The following SGCD variants were observed in gnomAD, a reference collection of about 807,000 sequenced individuals.
SGCD encodes the protein delta-sarcoglycan.
Under a neutral mutation model 36.6 loss-of-function variants are expected in SGCD, and 18 were observed. The observed-to-expected ratio is 0.49, with a 90% CI of 0.34 to 0.73. SGCD has a LOEUF of 0.73. Ranked by LOEUF, SGCD falls within the 30% of genes least tolerant of loss-of-function variation. SGCD has a pLI of 0.01. For synonymous variants in SGCD, 133 were observed against 130.6 expected (o/e 1.02, Z -0.12); for missense variants, 387 against 346.7 (o/e 1.12, Z -0.92).
intron 3 of SGCD, among the ~76,000 whole-genome samples, chr5:156,304,673 G>T (rs1767155905): frequency 6.6e-6 from 1 of 152,200 alleles, no homozygotes. Context: ...CTGGGTAACA[G>T]GCAGAGGTTG....
intron 4 of SGCD, among the ~76,000 whole-genome samples, chr5:156,513,116 T>C (rs891906): frequency 0.34 from 51,763 of 152,026 alleles, 9,492 homozygotes; most frequent in African/African-American, 0.48. Flanking sequence ...TCCACAAAAA[T>C]TGAAATCAAG....
intron 3 of SGCD, among the ~76,000 whole-genome samples, chr5:156,144,805 T>A (rs1325301956): frequency 6.6e-6 from 1 of 152,166 alleles, no homozygotes; most frequent in Non-Finnish European, 1.5e-5. Context: ...CCTTATGGAA[T>A]GGGAGTATTT....
At position 156,062,429 on chromosome 5, in the gene SGCD, G is replaced by C. The variant is rs1335011149; in HGVS notation, c.-281-55449G>C. ...TGTCTTTATAGCAGCATGATTTATA[G>C]TCCTTTGGGTATATACCCAGTAATG... On this transcript the variant is annotated intron_variant, in intron 1 of 9. Transcript: ENST00000517913. Among the ~76,000 whole-genome samples, 5 of 107,504 alleles carry C rather than the reference G, an allele frequency of 4.7e-5. 1 individual carries two copies. Among genetic ancestry groups the C allele is most frequent in the Non-Finnish European group, 9.3e-5 (5 of 53,850 alleles). 70.5% of individuals were successfully genotyped at this position (107,504 alleles called of 152,430 possible). A position where few individuals can be genotyped will look rare whatever the true frequency, so the allele number is the denominator to read the frequency against.
At chr5:156,736,966 T>C (rs1043708302) in intron 7 of SGCD, among the ~76,000 whole-genome samples, 2 of 152,162 alleles carry the variant, frequency 1.3e-5, no homozygotes, top group African/African-American at 4.8e-5. Context: ...CCATTTTCAC[T>C]AACAGAGGAT....
chr5:156,002,693 G>C (rs1758687063), intron 1 of SGCD, among the ~76,000 whole-genome samples: 1 of 152,196 alleles, frequency 6.6e-6, no homozygotes, highest in African/African-American at 2.4e-5. Flanking sequence ...CACTCAGAGT[G>C]CTGCTTCAAA....
intron 3 of SGCD, among the ~76,000 whole-genome samples, chr5:156,197,386 G>T: frequency 6.6e-6 from 1 of 150,554 alleles, no homozygotes; most frequent in Admixed American, 6.6e-5. Flanking sequence ...GACTCTCTTG[G>T]TTAATTTTTT....
At chr5:155,988,270 A>G (rs1391966226) in intron 1 of SGCD, among the ~76,000 whole-genome samples, 1 of 152,150 alleles carries the variant, frequency 6.6e-6, no homozygotes, top group Non-Finnish European at 1.5e-5. Context: ...TTAAAGCATA[A>G]AGAAGGAGAA....
chr5:155,969,149 A>C (rs982322382), intron 1 of SGCD, among the ~76,000 whole-genome samples: 7 of 152,118 alleles, frequency 4.6e-5, no homozygotes, highest in African/African-American at 1.7e-4. Flanking sequence ...TTATGCCTGT[A>C]TGTGTTAGAT....
At chr5:156,019,006 T>C (rs1487408924) in intron 1 of SGCD, among the ~76,000 whole-genome samples, 1 of 152,252 alleles carries the variant, frequency 6.6e-6, no homozygotes, top group African/African-American at 2.4e-5. Flanking sequence ...AAATTCATAA[T>C]GTCCATAGAG....
intron 3 of SGCD, among the ~76,000 whole-genome samples, chr5:156,156,558 A>G (rs559454277): frequency 1.3e-5 from 2 of 151,640 alleles, no homozygotes; most frequent in Admixed American, 1.3e-4. Flanking sequence ...AGGGAGACGG[A>G]GGTTGTAGTG....
chr5:156,307,641 C>T (rs573485019), intron 3 of SGCD, among the ~76,000 whole-genome samples: 1 of 133,472 alleles, frequency 7.5e-6, no homozygotes. Flanking sequence ...AATAGTGAAA[C>T]CATACTTAGA....
intron 3 of SGCD, among the ~76,000 whole-genome samples, chr5:156,478,133 G>A (rs1179835013): frequency 6.6e-6 from 1 of 152,064 alleles, no homozygotes; most frequent in African/African-American, 2.4e-5. Flanking sequence ...AGAAATAATG[G>A]TTCCTACTTC....
intron 1 of SGCD, among the ~76,000 whole-genome samples, chr5:155,929,235 G>A (rs1757053087): frequency 6.6e-6 from 1 of 152,100 alleles, no homozygotes; most frequent in African/African-American, 2.4e-5. Context: ...CTGGAATGAT[G>A]TCTGATTTTT....
intron 3 of SGCD, among the ~76,000 whole-genome samples, chr5:156,409,629 G>A (rs950366771): frequency 2.0e-5 from 3 of 152,076 alleles, no homozygotes; most frequent in African/African-American, 7.2e-5. Flanking sequence ...ATAATTGTGT[G>A]GCCTTTGACA....
At chr5:156,425,611 A>G (rs1248222872) in intron 3 of SGCD, among the ~76,000 whole-genome samples, 2 of 151,164 alleles carry the variant, frequency 1.3e-5, no homozygotes, top group African/African-American at 2.4e-5. Flanking sequence ...TTTTTGTTAC[A>G]TGGATAAGTT....
chr5:155,971,538 T>G (rs768690313), intron 1 of SGCD, among the ~76,000 whole-genome samples: 1 of 152,156 alleles, frequency 6.6e-6, no homozygotes, highest in Non-Finnish European at 1.5e-5. Flanking sequence ...TTTCCTCTGA[T>G]TAGCCTATTG....
At chr5:155,912,758 C>CTCTT (rs1244654948) in intron 1 of SGCD, among the ~76,000 whole-genome samples, 1 of 151,996 alleles carries the variant, frequency 6.6e-6, no homozygotes, top group Non-Finnish European at 1.5e-5. Flanking sequence ...TCCTTCTCTT[C>CTCTT]TCTTTCTTTC....
At chr5:155,751,844 T>C in the SGCD span, among the ~76,000 whole-genome samples, 1 of 152,204 alleles carries the variant, frequency 6.6e-6, no homozygotes, top group African/African-American at 2.4e-5. Flanking sequence ...TTTTGTGGAC[T>C]AGTCTGATCA....
At position 155,975,609 on chromosome 5, in the gene SGCD, C is replaced by CTTTTTTTTTTTTTTTTTTTTTT. The variant is rs763067309; in HGVS notation, c.-282+105201_-282+105222dup. 3.6e-4 allele frequency among the ~76,000 whole-genome samples: 10 copies of CTTTTTTTTTTTTTTTTTTTTTT among 28,026 alleles called. 5 individuals carry two copies. Among genetic ancestry groups the CTTTTTTTTTTTTTTTTTTTTTT allele is most frequent in the Admixed American group, 1.2e-3 (2 of 1,688 alleles). 18.4% of individuals were successfully genotyped at this position (28,026 alleles called of 152,430 possible). On this transcript the variant is annotated intron_variant, in intron 1 of 9. Transcript: ENST00000517913. ...TGTGTTATTTATTTTTCTTTCTTTCCTTTTTTTTTTTTTTTTTTTTTTTTT... is the reference window on the plus strand; with the variant it reads ...TGTGTTATTTATTTTTCTTTCTTTCCTTTTTTTTTTTTTTTTTTTTTTTTTTTTTTTTTTTTTTTTTTTTTTT...
Sources: allele counts gnomAD v4.1 joint callset (sites outside exome capture counted in the v4.1 genomes callset), GRCh38; gene constraint gnomAD v4.1.1; transcripts MANE v1.5; gene names NCBI Gene and HGNC (gene_info 2026-07-23, HGNC 2026-07-21).